YRDC: variants seen among roughly 807,000 people sequenced by gnomAD.
YRDC encodes the protein yrdC N6-threonylcarbamoyltransferase domain containing, also known as threonylcarbamoyl-AMP synthase.
A neutral mutation model predicts 21.5 loss-of-function variants in YRDC; 17 were observed. The observed-to-expected ratio is 0.79, with a 90% CI of 0.54 to 1.19. YRDC has a LOEUF of 1.19. Among genes scored for constraint, YRDC ranks in the 50% most tolerant of loss-of-function variants. The pLI is 0.00. For missense variants in YRDC, 380 were observed against 397.1 expected (o/e 0.96, Z 0.37); for synonymous variants, 193 against 176.7 (o/e 1.09, Z -0.73).
intron 4 of YRDC, 89 bp downstream of exon 4, chr1:37,804,213 G>C: frequency 1.3e-6 from 2 of 1,552,322 alleles, no homozygotes; most frequent in East Asian, 2.3e-5. Context: ...GGGCAACATA[G>C]GAGGCACCAT....
Position 37,807,801 on chromosome 1 carries a change from T to C in YRDC, c.380A>G (p.Asp127Gly). ...GTCGGGGCGGCCTTACCTGTAGACG[T>C]CGGCCACGCGGCCGAGGCATACGGC... ...PLAVCLGRVA[D>G]VYRYCRVRVP... The change falls in exon 1 of 5, where the codon GAC becomes GGC. Residue 127 changes from aspartate (D) to glycine (G), a missense_variant. Coordinates refer to ENST00000373044, the MANE Select transcript of YRDC (RefSeq NM_024640.4). 1 of 1,509,268 alleles carries C rather than the reference T, an allele frequency of 6.6e-7. No homozygotes were observed. Among genetic ancestry groups the C allele is most frequent in the Non-Finnish European group, 8.8e-7 (1 of 1,133,220 alleles). The allele number at this position is 1,509,268 out of a possible 1,614,324, so 93.5% of individuals were successfully genotyped here.
At chr1:37,804,276 C>T (rs760354308) in intron 4 of YRDC, 26 bp downstream of exon 4, 7 of 1,601,588 alleles carry the variant, frequency 4.4e-6, no homozygotes, top group Non-Finnish European at 6.0e-6. Flanking sequence ...CAAATTATTT[C>T]CCCACACCAC....
In YRDC at chr1:37,806,201, CTTT is replaced by C. The variant is rs398052912; in HGVS notation, c.624+653_624+655del. Among the ~76,000 whole-genome samples the C allele has an allele frequency of 1.3e-4, 19 of 144,328 alleles. No homozygotes were observed. The East Asian group carries it at 1.8e-3, about 14-fold the overall frequency. The allele number at this position is 144,328 out of a possible 152,430, so 94.7% of individuals were successfully genotyped here. A position where few individuals can be genotyped will look rare whatever the true frequency, so the allele number is the denominator to read the frequency against. Reference sequence around the variant, plus strand: ...TAACTTTCTGGAGGCTAAACTTCATCTTTTTTTTTTTTTTTAAGAGACAGAGTC... The same window carrying C: ...TAACTTTCTGGAGGCTAAACTTCATCTTTTTTTTTTTTAAGAGACAGAGTC... On this transcript the variant is annotated intron_variant, in intron 3 of 4. Transcript: ENST00000373044.
At chr1:37,806,583 AG>A in intron 3 of YRDC, among the ~76,000 whole-genome samples, 1 of 152,356 alleles carries the variant, frequency 6.6e-6, no homozygotes, top group Middle Eastern at 3.4e-3. Flanking sequence ...CCAGAAAAAC[AG>A]GAAGACATTG....
chr1:37,807,224 C>T lies in YRDC; in HGVS notation c.390-9G>A. The stretch of plus-strand genomic sequence containing the variant: ...CTCTCACACGGCAGTATCTGGGAAA[C>T]ACAGAAGAATAAATCCATTCAAAAT... On this transcript the variant is annotated splice_polypyrimidine_tract_variant and intron_variant, in intron 1 of 4. Coordinates refer to ENST00000373044, the MANE Select transcript of YRDC (RefSeq NM_024640.4). 1 of 1,612,712 alleles carries T rather than the reference C, an allele frequency of 6.2e-7. No homozygotes were observed. The highest frequency in any genetic ancestry group is 1.3e-5 in the African/African-American group (1 of 75,024).
rs1276939428 is a variant in YRDC at position 37,808,067 on chromosome 1, G to A, written c.114C>T (p.Pro38=). Residue 38 remains proline (P), a synonymous_variant, in exon 1 of 5, where the codon CCC becomes CCT. Transcript: ENST00000373044. The part of the protein sequence containing the change: ...RSGRLFRPPS[P]APAAPGARLL... ...GCCGGGCGCCGGGGGCCGCCGGAGCGGGACTCGGCGGGCGGAAGAGGCGAC... is the reference window on the plus strand; with the variant it reads ...GCCGGGCGCCGGGGGCCGCCGGAGCAGGACTCGGCGGGCGGAAGAGGCGAC... 2.2e-6 allele frequency: 3 copies of A among 1,342,562 alleles called. No individual in the cohort carries two copies. The highest frequency in any genetic ancestry group is 4.0e-5 in the Admixed American group (1 of 25,144). 83.2% of individuals were successfully genotyped at this position (1,342,562 alleles called of 1,614,324 possible).
In YRDC at chr1:37,808,142, C is replaced by A; in HGVS notation, c.39G>T (p.Ala13=). 6.8e-7 allele frequency: 1 copy of A among 1,472,564 alleles called. No individual in the cohort carries two copies. The highest frequency in any genetic ancestry group is 8.9e-7 in the Non-Finnish European group (1 of 1,119,004). The allele number at this position is 1,472,564 out of a possible 1,614,324, so 91.2% of individuals were successfully genotyped here. A position where few individuals can be genotyped will look rare whatever the true frequency, so the allele number is the denominator to read the frequency against. ...CGCTCAACCCCACGCTGGCAGCCAC[C>A]GCGGCCCTCATCCCCCTGCACCGAC... ...PARRCRGMRA[A]VAASVGLSEG... is the part of the protein sequence containing the mutation. Residue 13 remains alanine, a synonymous_variant, in exon 1 of 5, where the codon GCG becomes GCT. Coordinates refer to ENST00000373044, the MANE Select transcript of YRDC (RefSeq NM_024640.4).
At position 37,803,743 on chromosome 1, in the gene YRDC, G is replaced by C; in HGVS notation, c.*182C>G. 1.8e-6 allele frequency: 1 copy of C among 566,088 alleles called. No homozygotes were observed. The highest frequency in any genetic ancestry group is 3.1e-6 in the Non-Finnish European group (1 of 322,994). The allele number at this position is 566,088 out of a possible 1,614,324, so 35.1% of individuals were successfully genotyped here. On this transcript the variant is annotated 3_prime_UTR_variant, in exon 5 of 5. Coordinates refer to ENST00000373044, the MANE Select transcript of YRDC (RefSeq NM_024640.4). ...ACAAATAAATACATCCTTTCCCCAG[G>C]TGCAAGGCTAAACCAGCAGCTCCAA... is the stretch of plus-strand genomic sequence containing the variant.
In YRDC at chr1:37,808,197, C is replaced by T. The variant is rs1646756282; in HGVS notation, c.-17G>A. 1.4e-6 allele frequency: 2 copies of T among 1,426,456 alleles called. No homozygotes were observed. Among genetic ancestry groups the T allele is most frequent in the African/African-American group, 3.0e-5 (2 of 67,058 alleles). 88.4% of individuals were successfully genotyped at this position (1,426,456 alleles called of 1,614,324 possible). ...CGGAGACATCCGCCCAGGCCCGCTT[C>T]CGGGAGGAAGTGACGCTCCCAGCCA... On this transcript the variant is annotated 5_prime_UTR_variant, in exon 1 of 5. Transcript: ENST00000373044.
intron 3 of YRDC, among the ~76,000 whole-genome samples, chr1:37,806,250 G>T (rs2148391154): frequency 6.6e-6 from 1 of 151,958 alleles, no homozygotes; most frequent in Admixed American, 6.5e-5. Flanking sequence ...GCCCTGCCTG[G>T]AGTACAGTGG....
At position 37,803,136 on chromosome 1, in the gene YRDC, C is replaced by T. The variant is rs1184941443; in HGVS notation, c.*789G>A. 2.0e-5 allele frequency: 3 copies of T among 151,950 alleles called. No homozygotes were observed. The allele number at this position is 151,950 out of a possible 1,614,324, so 9.4% of individuals were successfully genotyped here. On this transcript the variant is annotated 3_prime_UTR_variant, in exon 5 of 5. Transcript: ENST00000373044. ...TTTATGAATAAATAAGAAAAAAGTC[C>T]CTGGCTATAAAGGATAGTGGAGGTT...
At position 37,805,073 on chromosome 1, in the gene YRDC, T is replaced by C. The variant is rs1184104790; in HGVS notation, c.625-629A>G. ...GAGTTTGAGACTAGCCTGGTCAACA[T>C]AGTGAAACCCCATCTCTACTAAAAA... On this transcript the variant is annotated intron_variant, in intron 3 of 4. Transcript: ENST00000373044. 3.3e-5 allele frequency among the ~76,000 whole-genome samples: 5 copies of C among 151,730 alleles called. No individual in the cohort carries two copies. In the South Asian group the frequency reaches 8.3e-4, roughly 25 times the overall value.
intron 3 of YRDC, among the ~76,000 whole-genome samples, chr1:37,804,752 G>A (rs932560047): frequency 2.6e-5 from 4 of 152,146 alleles, no homozygotes; most frequent in Non-Finnish European, 4.4e-5. Context: ...ATGGAGTTCT[G>A]GGCAGAGATA....
Position 37,808,190 on chromosome 1 carries a change from C to A in YRDC, c.-10G>T, listed in dbSNP as rs1357928053. ...GACGCGCCGGAGACATCCGCCCAGGCCCGCTTCCGGGAGGAAGTGACGCTC... is the reference window on the plus strand; with the variant it reads ...GACGCGCCGGAGACATCCGCCCAGGACCGCTTCCGGGAGGAAGTGACGCTC... On this transcript the variant is annotated 5_prime_UTR_variant, in exon 1 of 5. Coordinates refer to ENST00000373044, the MANE Select transcript of YRDC (RefSeq NM_024640.4). 5 of 1,431,264 alleles carry A rather than the reference C, an allele frequency of 3.5e-6. No individual in the cohort carries two copies. In the East Asian group the frequency reaches 1.2e-4, roughly 35 times the overall value. 88.7% of individuals were successfully genotyped at this position (1,431,264 alleles called of 1,614,324 possible). A position where few individuals can be genotyped will look rare whatever the true frequency, so the allele number is the denominator to read the frequency against.
chr1:37,804,473 A>G, intron 3 of YRDC, 29 bp from the exon 4 acceptor site: 1 of 1,601,452 alleles, frequency 6.2e-7, no homozygotes. Context: ...AAGAGCATGG[A>G]CACTATCCCT....
In YRDC at chr1:37,807,847, G is replaced by T; in HGVS notation, c.334C>A (p.Arg112Ser). Residue 112 changes from arginine to serine, a missense_variant, in exon 1 of 5, where the codon CGC becomes AGC. Around this residue, in one of 3 missense-constraint regions of YRDC, gnomAD observed 238 missense variants for 236.5 expected, o/e 1.01. Transcript: ENST00000373044. ...ACGGCCAGAGGCTTGGCCTCGCTGC[G>T]ACCCTTGAGGCGGTACACAGCGCGC... The part of the protein sequence containing the change: ...ALRAVYRLKG[R>S]SEAKPLAVCL... 1 of 1,506,690 alleles carries T rather than the reference G, an allele frequency of 6.6e-7. No homozygotes were observed. The highest frequency in any genetic ancestry group is 2.7e-5 in the East Asian group (1 of 37,560). The allele number at this position is 1,506,690 out of a possible 1,614,324, so 93.3% of individuals were successfully genotyped here. A position where few individuals can be genotyped will look rare whatever the true frequency, so the allele number is the denominator to read the frequency against.
chr1:37,804,740 G>C (rs1018867298), intron 3 of YRDC, among the ~76,000 whole-genome samples: 2 of 152,178 alleles, frequency 1.3e-5, no homozygotes, highest in Admixed American at 6.5e-5. Flanking sequence ...TAAGTACAAT[G>C]AATGGAGTTC....
At chr1:37,804,534 C>A in intron 3 of YRDC, 90 bp from the exon 4 acceptor site, 1 of 1,459,150 alleles carries the variant, frequency 6.9e-7, no homozygotes. Context: ...GCCATATAGT[C>A]TTAAAACAGA....
Position 37,803,683 on chromosome 1 carries a change from C to T in YRDC, c.*242G>A, listed in dbSNP as rs969123074. 4.2e-6 allele frequency: 2 copies of T among 481,408 alleles called. No homozygotes were observed. Among genetic ancestry groups the T allele is most frequent in the East Asian group, 6.4e-5 (2 of 31,302 alleles). 29.8% of individuals were successfully genotyped at this position (481,408 alleles called of 1,614,324 possible). ...TAAGGCCACCTAGGAATGTTCTTAACTTTTCCATTCAGCTTTTGGCTGATA... is the reference window on the plus strand; with the variant it reads ...TAAGGCCACCTAGGAATGTTCTTAATTTTTCCATTCAGCTTTTGGCTGATA... On this transcript the variant is annotated 3_prime_UTR_variant, in exon 5 of 5. Coordinates refer to ENST00000373044, the MANE Select transcript of YRDC (RefSeq NM_024640.4).
Sources: gnomAD v4.1 joint callset for allele counts (sites outside exome capture counted in the v4.1 genomes callset) on GRCh38, gnomAD v4.1.1 for gene constraint, gnomAD v4.1.1 regional missense constraint, MANE v1.5 for transcripts, NCBI Gene and HGNC (gene_info 2026-07-23, HGNC 2026-07-21) for gene names.